The following C4BPA variants were observed in gnomAD, a reference collection of about 807,000 sequenced individuals.
The protein encoded by C4BPA is complement component 4 binding protein alpha, also known as C4b-binding protein alpha chain.
C4BPA carries 31 observed loss-of-function variants against 63.7 expected under a neutral mutation model. The observed-to-expected ratio is 0.49, with a 90% CI of 0.37 to 0.66. The LOEUF (loss-of-function observed/expected upper bound fraction) is 0.66, where lower values mean the gene tolerates loss of function less well. Among genes scored for constraint, C4BPA ranks in the 30% least tolerant of loss-of-function variants. The probability of loss-of-function intolerance (pLI) is 0.00; values close to 1 mark genes in which losing one functional copy is unlikely to be tolerated. For missense variants in C4BPA, 572 were observed against 723.3 expected, an observed-to-expected ratio of 0.79 and a Z score of 2.40; for synonymous variants, 259 against 254.7, an observed-to-expected ratio of 1.02 and a Z score of -0.16.
At chr1:207,124,557 G>A (rs1387288993) in intron 6 of C4BPA, among the ~76,000 whole-genome samples, 191 bp downstream of exon 6, 1 of 152,142 alleles carries the variant, frequency 6.6e-6, no homozygotes, top group Non-Finnish European at 1.5e-5. Flanking sequence ...ATAAAAATGG[G>A]AGTGGTGAAC....
chr1:207,141,906 A>C (rs1040157335), intron 10 of C4BPA, among the ~76,000 whole-genome samples: 2 of 152,340 alleles, frequency 1.3e-5, no homozygotes, highest in Middle Eastern at 3.4e-3. Flanking sequence ...ACACAGGAGA[A>C]TAATAGTCAA....
intron 4 of C4BPA, among the ~76,000 whole-genome samples, chr1:207,118,560 G>A (rs183235034): frequency 3.9e-5 from 6 of 152,180 alleles, no homozygotes; most frequent in South Asian, 4.1e-4. Context: ...TCACTATCAC[G>A]AGAATAGCAT....
intron 8 of C4BPA, among the ~76,000 whole-genome samples, chr1:207,133,700 C>A (rs1685215246): frequency 6.6e-6 from 1 of 152,164 alleles, no homozygotes; most frequent in Non-Finnish European, 1.5e-5. Context: ...GAGTTTGAGA[C>A]TGTAGTGAGC....
chr1:207,108,628 G>A (rs1684604889), intron 1 of C4BPA, among the ~76,000 whole-genome samples: 2 of 152,296 alleles, frequency 1.3e-5, no homozygotes, highest in South Asian at 4.1e-4. Flanking sequence ...GAATAAGACA[G>A]AATAAAATAA....
In C4BPA at chr1:207,134,559, A is replaced by G. The variant is rs750881253; in HGVS notation, c.1240A>G (p.Thr414Ala). The G allele has an allele frequency of 2.5e-6, 4 of 1,613,844 alleles. No homozygotes were observed. In the South Asian group the frequency reaches 3.3e-5, roughly 13 times the overall value. The change falls in exon 9 of 12, where the codon ACG becomes GCG. Residue 414 changes from threonine (T) to alanine (A), a missense_variant. By Grantham distance (58) the Thr-to-Ala change is moderately conservative. Coordinates refer to ENST00000367070, the MANE Select transcript of C4BPA (RefSeq NM_000715.4). ...RFSAICQGDG[T>A]WSPRTPSCGD... ...TTCAGCTATATGCCAAGGAGATGGC[A>G]CGTGGAGTCCCCGAACACCATCATG...
intron 4 of C4BPA, among the ~76,000 whole-genome samples, chr1:207,118,251 T>TATCTATCTATC (rs1684854757): frequency 7.1e-6 from 1 of 141,302 alleles, no homozygotes; most frequent in Admixed American, 7.2e-5. Flanking sequence ...ATCTATCATC[T>TATCTATCTATC]ATCTACTATT....
chr1:207,128,233 G>A (rs1302930852), intron 7 of C4BPA, among the ~76,000 whole-genome samples: 2 of 152,192 alleles, frequency 1.3e-5, no homozygotes, highest in Non-Finnish European at 2.9e-5. Flanking sequence ...ATTCTCCCCA[G>A]CTCTGCGCTG....
At chr1:207,104,573 TA>T (rs1246248747) in intron 1 of C4BPA, 143 bp downstream of exon 1, 1 of 152,212 alleles carries the variant, frequency 6.6e-6, no homozygotes, top group Non-Finnish European at 1.5e-5. Flanking sequence ...AGCACTGTAT[TA>T]GGGGGATGTA....
intron 10 of C4BPA, among the ~76,000 whole-genome samples, chr1:207,143,606 G>A (rs1037682439): frequency 2.6e-5 from 4 of 152,186 alleles, no homozygotes; most frequent in African/African-American, 9.7e-5. Context: ...TCATAGGGCT[G>A]CCAGGAGACT....
rs766587946 is a variant in C4BPA at position 207,124,240 on chromosome 1, G to A, written c.580G>A (p.Ala194Thr). Reference protein sequence around the residue: ...GRHSGEENFYAYGFSVTYSCD... With the variant: ...GRHSGEENFYTYGFSVTYSCD... ...GCACAGCGGTGAAGAAAATTTCTAC[G>A]CATACGGCTTTTCTGTCACCTACAG... Residue 194 changes from alanine to threonine, a missense_variant, in exon 6 of 12, where the codon GCA becomes ACA. Physicochemically the swap from Ala to Thr is moderately conservative, Grantham distance 58. Around this residue, in one of 2 missense-constraint regions of C4BPA, gnomAD observed 465 missense variants for 629.4 expected, o/e 0.74. Coordinates refer to ENST00000367070, the MANE Select transcript of C4BPA (RefSeq NM_000715.4). 41 of 1,613,706 alleles carry A rather than the reference G, an allele frequency of 2.5e-5. No individual in the cohort carries two copies. The highest frequency in any genetic ancestry group is 1.5e-4 in the African/African-American group (11 of 74,870).
rs776056943 is a variant in C4BPA at position 207,143,948 on chromosome 1, C to T, written c.1575C>T (p.Cys525=). 18 of 1,607,010 alleles carry T rather than the reference C, an allele frequency of 1.1e-5. No individual in the cohort carries two copies. The highest frequency in any genetic ancestry group is 1.3e-5 in the African/African-American group (1 of 74,660). ...YGVVGPQSIT[C]SGNRTWYPEV... is the part of the protein sequence containing the mutation. ...TGGTTGGTCCCCAAAGTATCACTTG[C>T]TCTGGGAACAGAACCTGGTACCCAG... The change falls in exon 11 of 12, where the codon TGC becomes TGT. Residue 525 remains cysteine, a synonymous_variant. Coordinates refer to ENST00000367070, the MANE Select transcript of C4BPA (RefSeq NM_000715.4).
intron 11 of C4BPA, 105 bp downstream of exon 11, chr1:207,144,098 G>T: frequency 1.2e-6 from 1 of 831,292 alleles, no homozygotes; most frequent in Non-Finnish European, 1.8e-6. Context: ...GACTTGTCAG[G>T]ATTCATTTCT....
At chr1:207,129,699 C>T (rs1381665080) in intron 7 of C4BPA, among the ~76,000 whole-genome samples, 1 of 152,082 alleles carries the variant, frequency 6.6e-6, no homozygotes, top group African/African-American at 2.4e-5. Flanking sequence ...AGATAAAAAC[C>T]TCAACCAAGA....
chr1:207,143,678 G>A (rs890335547), intron 10 of C4BPA, 140 bp from the exon 11 acceptor site: 6 of 651,594 alleles, frequency 9.2e-6, no homozygotes, highest in Non-Finnish European at 1.6e-5. Context: ...TCAATAAAAT[G>A]CTAATATGAA....
At chr1:207,141,315 T>A in intron 10 of C4BPA, 39 bp downstream of exon 10, 1 of 1,565,264 alleles carries the variant, frequency 6.4e-7, no homozygotes, top group Non-Finnish European at 8.7e-7. Context: ...ATTAAGTGGG[T>A]GGACGTGTCC....
At chr1:207,113,577 T>C (rs1476778445) in intron 2 of C4BPA, among the ~76,000 whole-genome samples, 1 of 152,220 alleles carries the variant, frequency 6.6e-6, no homozygotes, top group African/African-American at 2.4e-5. Context: ...TCCATGCTTC[T>C]TCCTCCATAT....
In C4BPA at chr1:207,126,762, A is replaced by G. The variant is rs762291748; in HGVS notation, c.756A>G (p.Gly252=). The change falls in exon 7 of 12, where the codon GGA becomes GGG. Residue 252 remains glycine (G), a synonymous_variant. Coordinates refer to ENST00000367070, the MANE Select transcript of C4BPA (RefSeq NM_000715.4). ...TTTCACATGGGGAAATGGTCTCTGG[A>G]TTTGGACCCATCTATAATTACAAAG... ...PDVSHGEMVS[G]FGPIYNYKDT... 35 of 1,612,676 alleles carry G rather than the reference A, an allele frequency of 2.2e-5. No homozygotes were observed. Among genetic ancestry groups the G allele is most frequent in the Non-Finnish European group, 2.9e-5 (34 of 1,179,224 alleles).
chr1:207,127,022 A>C, intron 7 of C4BPA, 127 bp downstream of exon 7: 1 of 651,842 alleles, frequency 1.5e-6, no homozygotes, highest in Non-Finnish European at 2.6e-6. Flanking sequence ...TAGATCAATA[A>C]TTTCCTTTAT....
At chr1:207,123,078 A>G (rs773617315) in intron 4 of C4BPA, among the ~76,000 whole-genome samples, 12 of 152,192 alleles carry the variant, frequency 7.9e-5, no homozygotes, top group Non-Finnish European at 1.6e-4. Context: ...GGAAAGTGAA[A>G]AGAATCAGAA....
Sources: allele counts gnomAD v4.1 joint callset (sites outside exome capture counted in the v4.1 genomes callset), GRCh38; gene constraint gnomAD v4.1.1; regional missense constraint gnomAD v4.1.1; transcripts MANE v1.5; gene names NCBI Gene and HGNC (gene_info 2026-07-23, HGNC 2026-07-21).